ATP5MF: variants seen among roughly 807,000 people sequenced by gnomAD.
ATP5MF encodes the protein ATP synthase membrane subunit f.
A neutral mutation model predicts 13.8 loss-of-function variants in ATP5MF; 10 were observed. The observed-to-expected ratio is 0.72, with a 90% CI of 0.45 to 1.23. ATP5MF has a LOEUF of 1.23. Among genes scored for constraint, ATP5MF ranks in the 50% most tolerant of loss-of-function variants. The pLI, the probability that ATP5MF is intolerant of heterozygous loss-of-function variation, is 0.00. For missense variants in ATP5MF, 122 were observed against 118.2 expected, an observed-to-expected ratio of 1.03 and a Z score of -0.15; for synonymous variants, 40 against 45.8, an observed-to-expected ratio of 0.87 and a Z score of 0.51.
Position 99,460,787 on chromosome 7 carries a change from C to T in ATP5MF, c.32-594G>A, listed in dbSNP as rs751149449. Among the ~76,000 whole-genome samples, 161 of 152,070 alleles carry T rather than the reference C, an allele frequency of 1.1e-3. 2 individuals carry two copies. The highest frequency in any genetic ancestry group is 5.3e-4 in the Non-Finnish European group (36 of 68,030). On this transcript the variant is annotated intron_variant, in intron 1 of 3. Transcript: ENST00000292475. ...TGCCAAGTGTCTCACTCAGACTTGA[C>T]GCACTTGTTTACTGGGGAAGGGCTT...
chr7:99,458,350 C>T lies in ATP5MF; in HGVS notation c.262G>A (p.Glu88Lys), dbSNP rs773849050. Residue 88 changes from glutamate (E) to lysine (K), a missense_variant, in exon 4 of 4, where the codon GAG (glutamate) becomes AAG (lysine). Transcript: ENST00000292475. ...YSFSYKHLKH[E>K]RLRKYH ...CTTCAGTGGTATTTGCGGAGCCGCT[C>T]GTGCTCTGAAGTCAGGAAGGCAAGA... is the stretch of plus-strand genomic sequence containing the variant. 19 of 1,607,936 alleles carry T rather than the reference C, an allele frequency of 1.2e-5. No individual in the cohort carries two copies. Among genetic ancestry groups the T allele is most frequent in the East Asian group, 1.1e-4 (5 of 44,722 alleles).
chr7:99,460,419 C>A (rs1231628689), intron 1 of ATP5MF: 3 of 702,906 alleles, frequency 4.3e-6, no homozygotes, highest in Non-Finnish European at 7.7e-6. Context: ...TATTAACCAA[C>A]AGGACGTCTG....
At chr7:99,458,464 A>G in intron 3 of ATP5MF, 109 bp from the exon 4 acceptor site, 3 of 1,202,946 alleles carry the variant, frequency 2.5e-6, no homozygotes, top group Admixed American at 4.5e-5. Flanking sequence ...AATTCCCTTC[A>G]GAGATGACCC....
chr7:99,460,460 A>G (rs1798549528), intron 1 of ATP5MF: 2 of 674,846 alleles, frequency 3.0e-6, no homozygotes, highest in Non-Finnish European at 2.8e-6. Flanking sequence ...AACTCCAGAA[A>G]AGGGTCTCGA....
intron 1 of ATP5MF, among the ~76,000 whole-genome samples, chr7:99,461,298 C>T (rs1040603035): frequency 6.6e-6 from 1 of 152,040 alleles, no homozygotes; most frequent in African/African-American, 2.4e-5. Flanking sequence ...CTCACTGAGC[C>T]TCCTGGACTC....
At chr7:99,465,361 C>A (rs1345819640) in intron 1 of ATP5MF, among the ~76,000 whole-genome samples, 1 of 152,170 alleles carries the variant, frequency 6.6e-6, no homozygotes, top group African/African-American at 2.4e-5. Context: ...AGAGGCCACA[C>A]CACATCCCGA....
chr7:99,461,341 C>G (rs1798591355), intron 1 of ATP5MF, among the ~76,000 whole-genome samples: 1 of 152,102 alleles, frequency 6.6e-6, no homozygotes, highest in South Asian at 2.1e-4. Context: ...TCCTGAACAG[C>G]TGGGACTACA....
chr7:99,459,214 G>C lies in ATP5MF; in HGVS notation c.189C>G (p.Ile63Met). Reference protein sequence around the residue: ...NKYINVKKGSISGITMVLACY... With the variant: ...NKYINVKKGSMSGITMVLACY... ...ATGCCAGCACCATGGTAATCCCCGA[G>C]ATGCTCCCCTTCTTCACATTGATGT... Residue 63 changes from isoleucine (I) to methionine (M), a missense_variant, in exon 3 of 4, where the codon ATC becomes ATG. Ile to Met is a conservative substitution (Grantham distance 10, BLOSUM62 1). Transcript: ENST00000292475. 3.1e-6 allele frequency: 5 copies of C among 1,614,214 alleles called. No individual in the cohort carries two copies. The highest frequency in any genetic ancestry group is 4.2e-6 in the Non-Finnish European group (5 of 1,180,040).
rs181462974 is a variant in ATP5MF at position 99,462,690 on chromosome 7, G to A, written c.32-2497C>T. On this transcript the variant is annotated intron_variant, in intron 1 of 3. Transcript: ENST00000292475. ...CTCGGGAGGCTGAGACAGGAGAATC[G>A]CTTAAACCTGGGAGGTAGAGGTTGC... is the stretch of plus-strand genomic sequence containing the variant. Among the ~76,000 whole-genome samples the A allele has an allele frequency of 1.2e-4, 19 of 152,308 alleles. No individual in the cohort carries two copies. The East Asian group carries it at 1.5e-3, about 12-fold the overall frequency.
At chr7:99,465,483 T>C (rs572836723) in intron 1 of ATP5MF, among the ~76,000 whole-genome samples, 2 of 151,992 alleles carry the variant, frequency 1.3e-5, no homozygotes, top group South Asian at 4.2e-4. Flanking sequence ...CAAACAAAAA[T>C]CATCAGTGTG....
chr7:99,460,218 T>A (rs766790399), intron 1 of ATP5MF, 25 bp from the exon 2 acceptor site: 1 of 1,612,514 alleles, frequency 6.2e-7, no homozygotes, highest in South Asian at 1.1e-5. Context: ...TGAGAAAAAA[T>A]ACCCACTGAA....
intron 1 of ATP5MF, among the ~76,000 whole-genome samples, chr7:99,465,728 C>T (rs1798843327): frequency 1.3e-5 from 2 of 152,222 alleles, no homozygotes; most frequent in South Asian, 4.1e-4. Context: ...CCTCCTGGAG[C>T]TTCATCTGAG....
In ATP5MF at chr7:99,458,196, A is replaced by G. The variant is rs1354671329; in HGVS notation, c.*131T>C. 1 of 964,478 alleles carries G rather than the reference A, an allele frequency of 1.0e-6. No individual in the cohort carries two copies. The highest frequency in any genetic ancestry group is 1.6e-5 in the African/African-American group (1 of 60,886). The allele number at this position is 964,478 out of a possible 1,614,324, so 59.7% of individuals were successfully genotyped here. A position where few individuals can be genotyped will look rare whatever the true frequency, so the allele number is the denominator to read the frequency against. On this transcript the variant is annotated 3_prime_UTR_variant, in exon 4 of 4. Transcript: ENST00000292475. ...AGACAGGCAGGCAATCAGCACACGTACCAGTCATGTTTTATTTGGAGGTTA... is the reference window on the plus strand; with the variant it reads ...AGACAGGCAGGCAATCAGCACACGTGCCAGTCATGTTTTATTTGGAGGTTA...
In ATP5MF at chr7:99,459,053, A is replaced by C. The variant is rs1001981979; in HGVS notation, c.256+94T>G. The C allele has an allele frequency of 5.4e-6, 5 of 918,168 alleles. No individual in the cohort carries two copies. The Admixed American group carries it at 1.0e-4, about 19-fold the overall frequency. 56.9% of individuals were successfully genotyped at this position (918,168 alleles called of 1,614,324 possible). On this transcript the variant is annotated intron_variant, in intron 3 of 3. Transcript: ENST00000292475. ...AAGGAACTTTAACTAAAGGTCCCTC[A>C]GCCTCAGAAGAAGGTGGGCTGCTGT... is the stretch of plus-strand genomic sequence containing the variant.
intron 2 of ATP5MF, chr7:99,459,542 T>TG (rs34626424): frequency 4.9e-5 from 19 of 390,072 alleles, no homozygotes; most frequent in African/African-American, 3.7e-4. Flanking sequence ...CCTGAGTAGC[T>TG]GGGACTACAG....
chr7:99,462,451 G>C (rs1798659322), intron 1 of ATP5MF, among the ~76,000 whole-genome samples: 1 of 150,516 alleles, frequency 6.6e-6, no homozygotes, highest in South Asian at 2.1e-4. Flanking sequence ...CTGGGTGACA[G>C]AGCAAGAATC....
intron 2 of ATP5MF, chr7:99,459,692 G>A (rs1469916260): frequency 8.0e-6 from 2 of 251,370 alleles, no homozygotes; most frequent in Non-Finnish European, 1.5e-5. Flanking sequence ...GGGATTACAG[G>A]CATAAGCCAC....
chr7:99,459,114 G>T, intron 3 of ATP5MF, 33 bp downstream of exon 3: 2 of 1,532,440 alleles, frequency 1.3e-6, no homozygotes, highest in South Asian at 2.2e-5. Context: ...CCTCTCATGG[G>T]AACTAAAGGC....
chr7:99,460,347 C>T (rs1456681644), intron 1 of ATP5MF, 154 bp from the exon 2 acceptor site: 7 of 842,464 alleles, frequency 8.3e-6, no homozygotes, highest in East Asian at 2.6e-5. Flanking sequence ...AAATATGTCA[C>T]ATCAAGCCCA....
Sources: allele counts gnomAD v4.1 joint callset (sites outside exome capture counted in the v4.1 genomes callset), GRCh38; gene constraint gnomAD v4.1.1; transcripts MANE v1.5; gene names NCBI Gene and HGNC (gene_info 2026-07-23, HGNC 2026-07-21).